The following CBY1 variants were observed in gnomAD, a reference collection of about 807,000 sequenced individuals.
CBY1 encodes the protein protein chibby homolog 1.
In CBY1, 10 loss-of-function variants were observed where a neutral mutation model predicts 15.6. The ratio of observed to expected loss-of-function variants is 0.64; its 90% CI spans 0.40 to 1.09. CBY1 has a LOEUF of 1.09. Ranked by LOEUF, CBY1 falls within the 50% of genes least tolerant of loss-of-function variation. The pLI is 0.01. For missense variants in CBY1, 150 were observed against 160.5 expected (o/e 0.93, Z 0.35); for synonymous variants, 61 against 63.5 (o/e 0.96, Z 0.19).
chr22:38,667,520 A>G (rs5995609), intron 1 of CBY1: 3 of 153,754 alleles, frequency 2.0e-5, no homozygotes, highest in African/African-American at 7.2e-5. Context: ...CGTTCAGCAC[A>G]TGGGAGCTAT....
chr22:38,664,468 C>T (rs5757222), intron 1 of CBY1, among the ~76,000 whole-genome samples: 40,463 of 136,240 alleles, frequency 0.3, 6,062 homozygotes, highest in East Asian at 0.36. Context: ...GAGACTCCAT[C>T]TCAAAAAAAA....
In CBY1 at chr22:38,668,097, C is replaced by T. The variant is rs763053636; in HGVS notation, c.43C>T (p.Pro15Ser). 6.2e-7 allele frequency: 1 copy of T among 1,613,570 alleles called. No homozygotes were observed. Among genetic ancestry groups the T allele is most frequent in the Non-Finnish European group, 8.5e-7 (1 of 1,179,540 alleles). ...TACGTTCAGTCCGAAGAAGACACCT[C>T]CTCGGAAGTCGGCATCTCTCTCCAA... ...GNTFSPKKTP[P>S]RKSASLSNLH... The change falls in exon 2 of 5, where the codon CCT becomes TCT. Residue 15 changes from proline to serine, a missense_variant. Pro to Ser is a moderately conservative substitution (Grantham distance 74). Transcript: ENST00000216029.
chr22:38,669,279 C>T (rs2092445850), intron 2 of CBY1, among the ~76,000 whole-genome samples: 1 of 152,200 alleles, frequency 6.6e-6, no homozygotes, highest in Non-Finnish European at 1.5e-5. Context: ...CCTTCCTGCC[C>T]TTGCCCTCTG....
intron 2 of CBY1, among the ~76,000 whole-genome samples, chr22:38,668,978 G>A (rs752098067): frequency 6.6e-6 from 1 of 152,184 alleles, no homozygotes; most frequent in Non-Finnish European, 1.5e-5. Flanking sequence ...ATGTGTGAGA[G>A]ATGCAGATAC....
chr22:38,659,012 T>C (rs968981453), intron 1 of CBY1, among the ~76,000 whole-genome samples: 6 of 152,204 alleles, frequency 3.9e-5, no homozygotes, highest in African/African-American at 1.4e-4. Context: ...TTCTGCTCAC[T>C]GCAACCTCTG....
At chr22:38,670,201 G>C (rs2092448374) in intron 2 of CBY1, 1 of 152,220 alleles carries the variant, frequency 6.6e-6, no homozygotes, top group Non-Finnish European at 1.5e-5. Flanking sequence ...CTGCACTCCA[G>C]CCTAGGCGAA....
At chr22:38,667,374 C>G (rs898260049) in intron 1 of CBY1, among the ~76,000 whole-genome samples, 7 of 151,968 alleles carry the variant, frequency 4.6e-5, no homozygotes, top group African/African-American at 1.7e-4. Flanking sequence ...AGCAGTGGAC[C>G]ACAGCTCACT....
intron 1 of CBY1, among the ~76,000 whole-genome samples, chr22:38,663,513 TAG>T (rs1176596149): frequency 6.6e-6 from 1 of 151,212 alleles, no homozygotes; most frequent in Non-Finnish European, 1.5e-5. Flanking sequence ...CTGACCAACA[TAG>T]AGAAACCCTG....
intron 1 of CBY1, among the ~76,000 whole-genome samples, chr22:38,658,375 C>T (rs1445646464): frequency 2.6e-5 from 4 of 152,154 alleles, no homozygotes; most frequent in East Asian, 1.9e-4. Context: ...CTGCCCAACT[C>T]GGCCTCCCAA....
In CBY1 at chr22:38,670,901, G is replaced by C; in HGVS notation, c.96G>C (p.Arg32=). 1.2e-6 allele frequency: 2 copies of C among 1,614,160 alleles called. No homozygotes were observed. The highest frequency in any genetic ancestry group is 2.2e-5 in the South Asian group (2 of 91,086). The change falls in exon 3 of 5, where the codon CGG becomes CGC. Residue 32 remains arginine, a synonymous_variant. Coordinates refer to ENST00000216029, the MANE Select transcript of CBY1 (RefSeq NM_015373.4). ...GCCCACAGTTGGATCGATCAACCCG[G>C]GAGGTGGAGCTGGGCTTGGAATACG... is the stretch of plus-strand genomic sequence containing the variant. The part of the protein sequence containing the change: ...SNLHSLDRST[R]EVELGLEYGS...
At chr22:38,667,937 T>C in intron 1 of CBY1, 80 bp from the exon 2 acceptor site, 1 of 715,628 alleles carries the variant, frequency 1.4e-6, no homozygotes. Context: ...CATGATAAAA[T>C]GTATGTCTTC....
intron 1 of CBY1, among the ~76,000 whole-genome samples, chr22:38,658,270 C>A (rs2092409159): frequency 6.6e-6 from 1 of 150,626 alleles, no homozygotes; most frequent in African/African-American, 2.4e-5. Flanking sequence ...GGACAACTGG[C>A]GCACACCACC....
rs750979733 is a variant in CBY1, at chr22:38,668,027, C to A, written c.-28C>A. The A allele has an allele frequency of 1.2e-6, 2 of 1,608,402 alleles. No individual in the cohort carries two copies. Among genetic ancestry groups the A allele is most frequent in the Admixed American group, 3.3e-5 (2 of 59,930 alleles). On this transcript the variant is annotated 5_prime_UTR_variant, in exon 2 of 5. Coordinates refer to ENST00000216029, the MANE Select transcript of CBY1 (RefSeq NM_015373.4). ...TTTTTCTGACCCTAGGAGAAGGGAGCACTGGCTTTGCTTTCATCAGGCCAA... is the reference window on the plus strand; with the variant it reads ...TTTTTCTGACCCTAGGAGAAGGGAGAACTGGCTTTGCTTTCATCAGGCCAA...
rs141465367 is a variant in CBY1 at position 38,671,119 on chromosome 22, C to T, written c.234C>T (p.Arg78=). The change falls in exon 4 of 5, where the codon CGC becomes CGT. Residue 78 remains arginine (R), a synonymous_variant. Transcript: ENST00000216029. ...ACCGGAGGGAGGTTCAGCGCCTTCG[C>T]AGGCGGAACCAGCAGTTGGAGGAAG... ...GVDRREVQRL[R]RRNQQLEEEN... 10 of 1,614,234 alleles carry T rather than the reference C, an allele frequency of 6.2e-6. No individual in the cohort carries two copies. In the South Asian group the frequency reaches 1.1e-4, roughly 18 times the overall value.
At chr22:38,668,164 G>A in intron 2 of CBY1, 32 bp downstream of exon 2, 1 of 1,324,552 alleles carries the variant, frequency 7.5e-7, no homozygotes, top group South Asian at 1.2e-5. Flanking sequence ...GGCCGGGTGT[G>A]CAGCATGAGT....
chr22:38,657,116 A>G (rs2092400938), intron 1 of CBY1: 1 of 984,156 alleles, frequency 1.0e-6, no homozygotes, highest in Admixed American at 6.2e-5. Context: ...AAAACCAGAG[A>G]TTCCGCCCTT....
At chr22:38,668,257 T>C (rs1159182841) in intron 2 of CBY1, 125 bp downstream of exon 2, 2 of 610,086 alleles carry the variant, frequency 3.3e-6, no homozygotes, top group Non-Finnish European at 6.0e-6. Flanking sequence ...GTCCATATCA[T>C]TGCTATTGCG....
intron 2 of CBY1, 28 bp downstream of exon 2, chr22:38,668,160 G>C (rs760607480): frequency 2.2e-6 from 3 of 1,376,934 alleles, no homozygotes; most frequent in Non-Finnish European, 3.1e-6. Context: ...GGTCGGCCGG[G>C]TGTGCAGCAT....
At chr22:38,670,847 GGCCT>G (rs1180472268) in intron 2 of CBY1, 33 bp from the exon 3 acceptor site, 1 of 1,433,688 alleles carries the variant, frequency 7.0e-7, no homozygotes, top group Non-Finnish European at 9.8e-7. Context: ...GCGTGTTCCG[GGCCT>G]GCTGAAGTTG....
Sources: gnomAD v4.1 joint callset for allele counts (sites outside exome capture counted in the v4.1 genomes callset) on GRCh38, gnomAD v4.1.1 for gene constraint, MANE v1.5 for transcripts, NCBI Gene and HGNC (gene_info 2026-07-23, HGNC 2026-07-21) for gene names.